PLCE1: variants seen among roughly 807,000 people sequenced by gnomAD.
PLCE1 encodes the protein 1-phosphatidylinositol 4,5-bisphosphate phosphodiesterase epsilon-1.
A neutral mutation model predicts 242.8 loss-of-function variants in PLCE1; 119 were observed. The ratio of observed to expected loss-of-function variants is 0.49; its 90% CI spans 0.42 to 0.57. PLCE1 has a LOEUF of 0.57. Among genes scored for constraint, PLCE1 ranks in the 20% least tolerant of loss-of-function variants. The probability of loss-of-function intolerance (pLI) is 0.00; values close to 1 mark genes in which losing one functional copy is unlikely to be tolerated. For missense variants in PLCE1, 2,441 were observed against 2,788.8 expected (o/e 0.88, Z 2.81); for synonymous variants, 945 against 1,017.4 (o/e 0.93, Z 1.35).
chr10:94,269,348 C>T lies in PLCE1; in HGVS notation c.4389+312C>T, dbSNP rs533607390. Among the ~76,000 whole-genome samples, 36 of 152,030 alleles carry T rather than the reference C, an allele frequency of 2.4e-4. No individual in the cohort carries two copies. In the East Asian group the frequency reaches 5.2e-3, roughly 22 times the overall value. ...AACTCCTGACCTCAAGTGCTCCGCC[C>T]GCCCCTCAGCCTCCCAAAGTACCGG... On this transcript the variant is annotated intron_variant, in intron 17 of 32. Coordinates refer to ENST00000371380, the MANE Select transcript of PLCE1 (RefSeq NM_016341.4).
intron 26 of PLCE1, among the ~76,000 whole-genome samples, chr10:94,307,516 A>G (rs2053242485): frequency 1.3e-5 from 2 of 152,224 alleles, no homozygotes; most frequent in Admixed American, 6.5e-5. Context: ...TCAGGCTGCC[A>G]TCATGGAATA....
In PLCE1 at chr10:94,087,203, A is replaced by G. The variant is rs573716361; in HGVS notation, c.1207-44971A>G. On this transcript the variant is annotated intron_variant, in intron 2 of 32. Transcript: ENST00000371380. ...TTGCTATAAAGTTTTTTAAAAAATT[A>G]GCCAGGTGTGGTGGCTTGCACCTGT... 5.7e-4 allele frequency among the ~76,000 whole-genome samples: 87 copies of G among 151,860 alleles called. No homozygotes were observed. The Middle Eastern group carries it at 0.017, about 30-fold the overall frequency.
intron 2 of PLCE1, among the ~76,000 whole-genome samples, chr10:94,043,696 A>T (rs2061819570): frequency 6.6e-6 from 1 of 152,180 alleles, no homozygotes; most frequent in South Asian, 2.1e-4. Flanking sequence ...TTAATAGCAA[A>T]TGCATTATTT....
intron 3 of PLCE1, among the ~76,000 whole-genome samples, chr10:94,158,273 G>A (rs2047494955): frequency 6.6e-6 from 1 of 151,930 alleles, no homozygotes; most frequent in South Asian, 2.1e-4. Context: ...TGGGTAAGAG[G>A]GCATCAGATT....
chr10:94,057,131 G>C (rs1330900097), intron 2 of PLCE1, among the ~76,000 whole-genome samples: 1 of 152,070 alleles, frequency 6.6e-6, no homozygotes, highest in Non-Finnish European at 1.5e-5. Flanking sequence ...AAATTTTTGT[G>C]TGGATATATG....
At chr10:94,245,749 G>C (rs1473364194) in intron 7 of PLCE1, among the ~76,000 whole-genome samples, 197 bp from the exon 8 acceptor site, 1 of 152,222 alleles carries the variant, frequency 6.6e-6, no homozygotes, top group Admixed American at 6.5e-5. Context: ...CTCCCAAAGT[G>C]CTGGGATTAC....
intron 1 of PLCE1, among the ~76,000 whole-genome samples, chr10:94,012,319 G>A (rs1439861828): frequency 6.6e-6 from 1 of 151,970 alleles, no homozygotes; most frequent in African/African-American, 2.4e-5. Context: ...TGCCCAGGAT[G>A]AGCCCATTCA....
At chr10:94,321,842 GTCTT>G (rs748973888) in intron 29 of PLCE1, 55 bp from the exon 30 acceptor site, 158 of 1,346,748 alleles carry the variant, frequency 1.2e-4, no homozygotes, top group Non-Finnish European at 1.5e-4. Flanking sequence ...TGCTAGATTT[GTCTT>G]TCTTTATTCT....
chr10:94,035,885 A>G (rs10882388), intron 2 of PLCE1, among the ~76,000 whole-genome samples: 1 of 151,962 alleles, frequency 6.6e-6, no homozygotes, highest in Admixed American at 6.6e-5. Flanking sequence ...GTGTTTTGGT[A>G]ATTACATATG....
Position 94,273,551 on chromosome 10 carries a change from A to G in PLCE1, c.4507-11A>G. On this transcript the variant is annotated splice_polypyrimidine_tract_variant and intron_variant, in intron 18 of 32. Coordinates refer to ENST00000371380, the MANE Select transcript of PLCE1 (RefSeq NM_016341.4). The stretch of plus-strand genomic sequence containing the variant: ...AGGCATTGATTGTATGTTTTCCTTC[A>G]TTCTTTTTAGACTGTGTTTGGAGAA... 1 of 1,611,818 alleles carries G rather than the reference A, an allele frequency of 6.2e-7. No individual in the cohort carries two copies.
In PLCE1 at chr10:94,328,048, T is replaced by C. The variant is rs758845393; in HGVS notation, c.*105T>C. The stretch of plus-strand genomic sequence containing the variant: ...ATTTTCATCAGACTTAAACTGGAAA[T>C]TGATGATTTCTGAACTGAAGCCTTC... On this transcript the variant is annotated 3_prime_UTR_variant, in exon 33 of 33. Transcript: ENST00000371380. 14 of 508,940 alleles carry C rather than the reference T, an allele frequency of 2.8e-5. No individual in the cohort carries two copies. In the Middle Eastern group the frequency reaches 9.6e-4, roughly 35 times the overall value. The allele number at this position is 508,940 out of a possible 1,614,324, so 31.5% of individuals were successfully genotyped here.
At position 94,179,530 on chromosome 10, in the gene PLCE1, T is replaced by TTTTTTTTTTTTGA. The variant is rs10636243; in HGVS notation, c.1809+8034_1809+8035insTTTTTTTTTTTGA. On this transcript the variant is annotated intron_variant, in intron 4 of 32. Coordinates refer to ENST00000371380, the MANE Select transcript of PLCE1 (RefSeq NM_016341.4). ...TAGTTTAGTTTTTTTTTTTTTTTTT[T>TTTTTTTTTTTTGA]GACAGGGTCTCTGTTGCCCAGGCTG... Among the ~76,000 whole-genome samples, 60 of 118,816 alleles carry TTTTTTTTTTTTGA rather than the reference T, an allele frequency of 5.0e-4. 2 individuals are homozygous for TTTTTTTTTTTTGA. The highest frequency in any genetic ancestry group is 2.8e-3 in the East Asian group (11 of 3,918). 77.9% of individuals were successfully genotyped at this position (118,816 alleles called of 152,430 possible).
intron 2 of PLCE1, among the ~76,000 whole-genome samples, chr10:94,114,005 C>G (rs2046038252): frequency 6.6e-6 from 1 of 152,194 alleles, no homozygotes; most frequent in African/African-American, 2.4e-5. Flanking sequence ...ATGAGTGTCT[C>G]TCTGGGTCTG....
intron 5 of PLCE1, among the ~76,000 whole-genome samples, chr10:94,233,066 C>A (rs2050198136): frequency 6.6e-6 from 1 of 152,210 alleles, no homozygotes; most frequent in Admixed American, 6.5e-5. Context: ...GATCCACTTT[C>A]TCTGCATGGG....
chr10:94,129,539 A>G (rs902394059), intron 2 of PLCE1, among the ~76,000 whole-genome samples: 6 of 152,176 alleles, frequency 3.9e-5, no homozygotes, highest in Non-Finnish European at 5.9e-5. Flanking sequence ...GAAAAGCTGG[A>G]TAAGAGACTG....
chr10:94,076,121 G>A (rs1564666346), intron 2 of PLCE1, among the ~76,000 whole-genome samples: 3 of 149,398 alleles, frequency 2.0e-5, no homozygotes. Context: ...GTGTTTGTGT[G>A]TGTGTGCGTG....
Position 94,223,233 on chromosome 10 carries a change from C to CAAA in PLCE1, c.1810-4056_1810-4054dup, listed in dbSNP as rs60764243. 2.8e-4 allele frequency among the ~76,000 whole-genome samples: 25 copies of CAAA among 90,870 alleles called. 1 individual carries two copies. The highest frequency in any genetic ancestry group is 9.1e-4 in the African/African-American group (19 of 20,984). The allele number at this position is 90,870 out of a possible 152,430, so 59.6% of individuals were successfully genotyped here. A position where few individuals can be genotyped will look rare whatever the true frequency, so the allele number is the denominator to read the frequency against. The stretch of plus-strand genomic sequence containing the variant: ...GCAACATAGTGATACTCCATCTCTA[C>CAAA]AAAAAAAAAAAAAAAAAAATTGAAT... On this transcript the variant is annotated intron_variant, in intron 4 of 32. Coordinates refer to ENST00000371380, the MANE Select transcript of PLCE1 (RefSeq NM_016341.4).
intron 1 of PLCE1, among the ~76,000 whole-genome samples, chr10:93,996,626 G>T (rs2060829130): frequency 1.3e-5 from 2 of 152,218 alleles, no homozygotes; most frequent in Admixed American, 6.5e-5. Flanking sequence ...AGCATCATGT[G>T]TTCCTCTCTG....
Position 94,306,054 on chromosome 10 carries a change from C to T in PLCE1, c.5623-373C>T, listed in dbSNP as rs1019937809. Among the ~76,000 whole-genome samples the T allele has an allele frequency of 6.6e-6, 1 of 151,948 alleles. No homozygotes were observed. Among genetic ancestry groups the T allele is most frequent in the Non-Finnish European group, 1.5e-5 (1 of 67,998 alleles). On this transcript the variant is annotated intron_variant, in intron 25 of 32. Transcript: ENST00000371380. The surrounding 1 kb of genome is among the most constrained non-coding windows in gnomAD (Gnocchi z 5.7). ...TGGCGTGATCTCAGCTCACTGCAACCTCTGCTTCCTGGGTTCAAGCAATTC... is the reference window on the plus strand; with the variant it reads ...TGGCGTGATCTCAGCTCACTGCAACTTCTGCTTCCTGGGTTCAAGCAATTC...
Sources: gnomAD v4.1 joint callset for allele counts (sites outside exome capture counted in the v4.1 genomes callset) on GRCh38, gnomAD v4.1.1 for gene constraint, Gnocchi (gnomAD v3.1) non-coding constraint, MANE v1.5 for transcripts, NCBI Gene and HGNC (gene_info 2026-07-23, HGNC 2026-07-21) for gene names.